Variants in GRPR observed in about 807,000 individuals in gnomAD.
GRPR encodes gastrin-releasing peptide receptor.
GRPR carries 4 observed loss-of-function variants against 15.6 expected under a neutral mutation model. The observed-to-expected ratio is 0.26, with a 90% CI of 0.13 to 0.59. The LOEUF (loss-of-function observed/expected upper bound fraction) is 0.59, where lower values mean the gene tolerates loss of function less well. Ranked by LOEUF, GRPR falls within the 20% of genes least tolerant of loss-of-function variation. The pLI, the probability that GRPR is intolerant of heterozygous loss-of-function variation, is 0.90. For missense variants in GRPR, 270 were observed against 304.1 expected, an observed-to-expected ratio of 0.89 and a Z score of 0.83; for synonymous variants, 128 against 126.8, an observed-to-expected ratio of 1.01 and a Z score of -0.06.
chrX:16,143,596 TTCTC>T (rs1398065549), intron 1 of GRPR, among the ~76,000 whole-genome samples: 2 of 112,517 alleles, frequency 1.8e-5, no homozygotes, highest in East Asian at 5.6e-4. Context: ...CTTCCTTAGC[TTCTC>T]TAACAGGATG....
Position 16,123,758 on chromosome X carries a change from G to C in GRPR, c.-196G>C, listed in dbSNP as rs1670847704. ...GTTGTATTGCACTGGTCATGTGAAAGCCAGAGCAGCACCAGTGTCAAAATA... is the reference window on the plus strand; with the variant it reads ...GTTGTATTGCACTGGTCATGTGAAACCCAGAGCAGCACCAGTGTCAAAATA... On this transcript the variant is annotated 5_prime_UTR_variant, in exon 1 of 3. Transcript: ENST00000380289. 6.3e-6 allele frequency: 3 copies of C among 473,760 alleles called. No homozygotes were observed. The highest frequency in any genetic ancestry group is 3.7e-6 in the Non-Finnish European group (1 of 270,341). The allele number at this position is 473,760 out of a possible 1,213,427, so 39.0% of individuals were successfully genotyped here. A position where few individuals can be genotyped will look rare whatever the true frequency, so the allele number is the denominator to read the frequency against.
chrX:16,147,938 C>A (rs1922632260), intron 1 of GRPR, among the ~76,000 whole-genome samples: 1 of 111,828 alleles, frequency 8.9e-6, no homozygotes, highest in African/African-American at 3.2e-5. Context: ...TGTTCTCATG[C>A]CTTTAATTAA....
chrX:16,127,945 T>A (rs909758355), intron 1 of GRPR, among the ~76,000 whole-genome samples: 14 of 111,813 alleles, frequency 1.3e-4, no homozygotes, highest in Non-Finnish European at 2.4e-4. Context: ...TGTGACACCT[T>A]TTATATTGCT....
intron 1 of GRPR, among the ~76,000 whole-genome samples, chrX:16,125,666 C>G (rs997958865): frequency 1.8e-5 from 2 of 112,131 alleles, no homozygotes; most frequent in Non-Finnish European, 3.8e-5. Context: ...GCTTAGCTAC[C>G]TGAAGCACAC....
chrX:16,134,363 C>T (rs1198129233), intron 1 of GRPR, among the ~76,000 whole-genome samples: 4 of 111,484 alleles, frequency 3.6e-5, no homozygotes, highest in East Asian at 5.6e-4. Context: ...CAAATTAGTC[C>T]GAATATATTT....
intron 1 of GRPR, among the ~76,000 whole-genome samples, chrX:16,146,710 G>A (rs1045576955): frequency 8.9e-6 from 1 of 111,911 alleles, no homozygotes; most frequent in African/African-American, 3.2e-5. Context: ...TCTGGGCAGA[G>A]CAATCTAGGC....
rs190580002 is a variant in GRPR at position 16,137,273 on chromosome X, A to G, written c.413+12907A>G. ...ACATCACACGATTAGCAAACAGTGA[A>G]ATTGAGAATCAAGCTGAAGTCTTTA... is the stretch of plus-strand genomic sequence containing the variant. On this transcript the variant is annotated intron_variant, in intron 1 of 2. Transcript: ENST00000380289. Among the ~76,000 whole-genome samples the G allele has an allele frequency of 9.8e-5, 11 of 112,044 alleles. No individual in the cohort carries two copies. The East Asian group carries it at 3.1e-3, about 31-fold the overall frequency.
At position 16,124,103 on chromosome X, in the gene GRPR, CA is replaced by C; in HGVS notation, c.151del (p.Ile51PhefsTer2). 1.7e-6 allele frequency: 2 copies of C among 1,209,572 alleles called. No individual in the cohort carries two copies. The highest frequency in any genetic ancestry group is 2.2e-6 in the Non-Finnish European group (2 of 893,495). On this transcript the variant is annotated frameshift_variant, in exon 1 of 3. Transcript: ENST00000380289. LOFTEE classifies it high-confidence loss of function. ...YVIPAVYGVI[I>X]LIGLIGNITL... is the part of the protein sequence containing the mutation. ...TCATCCCTGCAGTTTATGGGGTTAT[CA>C]TTCTGATAGGCCTCATTGGCAACAT...
chrX:16,132,461 T>G (rs1207091055), intron 1 of GRPR, among the ~76,000 whole-genome samples: 1 of 112,057 alleles, frequency 8.9e-6, no homozygotes, highest in Non-Finnish European at 1.9e-5. Context: ...ACCAACATCA[T>G]AAAATCCAGA....
At chrX:16,132,751 A>G (rs1413067562) in intron 1 of GRPR, among the ~76,000 whole-genome samples, 4 of 111,937 alleles carry the variant, frequency 3.6e-5, no homozygotes, top group South Asian at 7.4e-4. Flanking sequence ...AACTTGGAAA[A>G]GCCATTATCA....
intron 1 of GRPR, among the ~76,000 whole-genome samples, chrX:16,135,125 AAG>A (rs1211827108): frequency 9.0e-6 from 1 of 111,537 alleles, no homozygotes; most frequent in Non-Finnish European, 1.9e-5. Context: ...GCTAACCTCA[AAG>A]TGAATAAGTC....
At chrX:16,132,638 T>A (rs930568430) in intron 1 of GRPR, among the ~76,000 whole-genome samples, 3 of 111,569 alleles carry the variant, frequency 2.7e-5, no homozygotes, top group Non-Finnish European at 5.7e-5. Flanking sequence ...TCTAGCATGG[T>A]TGATTAAAAT....
intron 1 of GRPR, among the ~76,000 whole-genome samples, chrX:16,130,374 A>G (rs1922360307): frequency 8.9e-6 from 1 of 112,549 alleles, no homozygotes; most frequent in Non-Finnish European, 1.9e-5. Context: ...AGACCAAAAG[A>G]GGTGATGGGA....
At chrX:16,141,854 C>T (rs1922535208) in intron 1 of GRPR, among the ~76,000 whole-genome samples, 1 of 112,264 alleles carries the variant, frequency 8.9e-6, no homozygotes, top group Admixed American at 9.4e-5. Flanking sequence ...ACATGTGGCT[C>T]AGGCAGCAGG....
In GRPR at chrX:16,153,506, C is replaced by A. The variant is rs1922753827; in HGVS notation, c.*861C>A. ...ATCATGCTATTAATTAATCAAATAT[C>A]TATAAATGCATAAAGTACAGTATTT... On this transcript the variant is annotated 3_prime_UTR_variant, in exon 3 of 3. Coordinates refer to ENST00000380289, the MANE Select transcript of GRPR (RefSeq NM_005314.3). 9.0e-6 allele frequency: 1 copy of A among 111,173 alleles called. No individual in the cohort carries two copies. The highest frequency in any genetic ancestry group is 1.9e-5 in the Non-Finnish European group (1 of 53,178). 9.2% of individuals were successfully genotyped at this position (111,173 alleles called of 1,213,427 possible).
chrX:16,132,608 TAGA>T (rs1355204137), intron 1 of GRPR, among the ~76,000 whole-genome samples: 1 of 111,829 alleles, frequency 8.9e-6, no homozygotes, highest in East Asian at 2.8e-4. Flanking sequence ...ATAGAGAAAA[TAGA>T]AGGAGGAGGT....
intron 1 of GRPR, among the ~76,000 whole-genome samples, chrX:16,136,493 C>T (rs1338129642): frequency 1.8e-5 from 2 of 111,770 alleles, no homozygotes; most frequent in Non-Finnish European, 3.8e-5. Context: ...TTAGACTAAG[C>T]ATCCTGAGCG....
At chrX:16,143,341 C>T (rs1322419479) in intron 1 of GRPR, among the ~76,000 whole-genome samples, 1 of 112,829 alleles carries the variant, frequency 8.9e-6, no homozygotes, top group Non-Finnish European at 1.9e-5. Flanking sequence ...AATCCCAAGA[C>T]ATTTCTTTTC....
intron 1 of GRPR, among the ~76,000 whole-genome samples, chrX:16,129,553 C>T (rs1922346798): frequency 9.0e-6 from 1 of 111,508 alleles, no homozygotes; most frequent in Non-Finnish European, 1.9e-5. Flanking sequence ...CACGTTTGCT[C>T]CTCTCTCTCA....
Sources: allele counts gnomAD v4.1 joint callset (sites outside exome capture counted in the v4.1 genomes callset), GRCh38; gene constraint gnomAD v4.1.1; transcripts MANE v1.5; gene names NCBI Gene and HGNC (gene_info 2026-07-23, HGNC 2026-07-21).